RTCB: variants seen among roughly 807,000 people sequenced by gnomAD.
RTCB encodes RNA 2',3'-cyclic phosphate and 5'-OH ligase, also known as RNA-splicing ligase RTCB.
Under a neutral mutation model 58.2 loss-of-function variants are expected in RTCB, and 32 were observed. The ratio of observed to expected loss-of-function variants is 0.55; its 90% CI spans 0.41 to 0.74. RTCB has a LOEUF of 0.74. RTCB is among the 30% of genes least tolerant of loss of function. RTCB has a pLI of 0.00. For missense variants in RTCB, 523 were observed against 639.0 expected, an observed-to-expected ratio of 0.82 and a Z score of 1.96; for synonymous variants, 247 against 218.6, an observed-to-expected ratio of 1.13 and a Z score of -1.15.
At chr22:32,396,034 T>A in intron 8 of RTCB, 40 bp downstream of exon 8, 1 of 1,601,992 alleles carries the variant, frequency 6.2e-7, no homozygotes, top group Non-Finnish European at 8.5e-7. Flanking sequence ...CTTAACATCA[T>A]CATGAATGAC....
intron 9 of RTCB, 74 bp from the exon 10 acceptor site, chr22:32,394,076 T>TATG: frequency 9.6e-7 from 1 of 1,037,748 alleles, no homozygotes; most frequent in Non-Finnish European, 1.5e-6. Flanking sequence ...ATTTAAATTT[T>TATG]CTCTTGCACT....
chr22:32,409,478 A>G (rs1933483272), intron 1 of RTCB, among the ~76,000 whole-genome samples: 1 of 152,250 alleles, frequency 6.6e-6, no homozygotes, highest in Non-Finnish European at 1.5e-5. Flanking sequence ...GCAATGGACG[A>G]CATACTTATG....
intron 1 of RTCB, among the ~76,000 whole-genome samples, chr22:32,410,492 T>C (rs1933501677): frequency 6.6e-6 from 1 of 152,142 alleles, no homozygotes; most frequent in South Asian, 2.1e-4. Context: ...TCAATAGCGT[T>C]TTAAGAGCAA....
chr22:32,396,009 CTA>C (rs1933239760), intron 8 of RTCB, 63 bp downstream of exon 8: 4 of 1,543,858 alleles, frequency 2.6e-6, no homozygotes, highest in South Asian at 1.2e-5. Context: ...CTGGACTGCA[CTA>C]TGTTTTAAAG....
At chr22:32,398,790 C>T (rs567105640) in intron 6 of RTCB, among the ~76,000 whole-genome samples, 1 of 152,216 alleles carries the variant, frequency 6.6e-6, no homozygotes, top group South Asian at 2.1e-4. Context: ...TGGACATCCA[C>T]CATTATTTAT....
chr22:32,404,197 T>C (rs147965480), intron 4 of RTCB, among the ~76,000 whole-genome samples: 5 of 152,346 alleles, frequency 3.3e-5, no homozygotes, highest in Admixed American at 6.5e-5. Flanking sequence ...TGCTGGATCA[T>C]ATGGTAGTTC....
intron 11 of RTCB, among the ~76,000 whole-genome samples, chr22:32,390,507 A>G (rs142987839): frequency 0.035 from 5,224 of 150,296 alleles, 284 homozygotes; most frequent in African/African-American, 0.12. Flanking sequence ...GGAGTGCAGT[A>G]GCGCGATCTC....
chr22:32,411,178 G>C (rs868511492), intron 1 of RTCB, among the ~76,000 whole-genome samples: 1 of 152,192 alleles, frequency 6.6e-6, no homozygotes, highest in Admixed American at 6.5e-5. Flanking sequence ...TAAAAGAATG[G>C]AGTGACTATT....
rs1933299941 is a variant in RTCB at position 32,399,510 on chromosome 22, A to G, written c.654+93T>C. On this transcript the variant is annotated intron_variant, in intron 6 of 11. Coordinates refer to ENST00000216038, the MANE Select transcript of RTCB (RefSeq NM_014306.5). ...ATATACCATAAAAAAACCTGGGAAT[A>G]TGTTTGCTAAATGTAAGATATAGAT... The G allele has an allele frequency of 2.5e-6, 3 of 1,183,272 alleles. No individual in the cohort carries two copies. The South Asian group carries it at 5.0e-5, about 20-fold the overall frequency. The allele number at this position is 1,183,272 out of a possible 1,614,324, so 73.3% of individuals were successfully genotyped here. A position where few individuals can be genotyped will look rare whatever the true frequency, so the allele number is the denominator to read the frequency against.
At position 32,392,557 on chromosome 22, in the gene RTCB, G is replaced by A. The variant is rs1358764497; in HGVS notation, c.1291-198C>T. On this transcript the variant is annotated intron_variant, in intron 10 of 11. Coordinates refer to ENST00000216038, the MANE Select transcript of RTCB (RefSeq NM_014306.5). ...TTTGTTGGGAGGCTGTCCTATGCAG[G>A]GTATTCAGCAGCGCAGCGCAGTGTA... 3 of 743,984 alleles carry A rather than the reference G, an allele frequency of 4.0e-6. No homozygotes were observed. The African/African-American group carries it at 5.2e-5, about 13-fold the overall frequency. The allele number at this position is 743,984 out of a possible 1,614,324, so 46.1% of individuals were successfully genotyped here. A position where few individuals can be genotyped will look rare whatever the true frequency, so the allele number is the denominator to read the frequency against.
intron 11 of RTCB, among the ~76,000 whole-genome samples, chr22:32,390,510 G>A (rs993985547): frequency 2.6e-5 from 4 of 151,280 alleles, no homozygotes; most frequent in South Asian, 4.2e-4. Flanking sequence ...GTGCAGTAGC[G>A]CGATCTCGGC....
intron 5 of RTCB, chr22:32,401,511 T>G: frequency 2.4e-6 from 1 of 421,530 alleles, no homozygotes. Flanking sequence ...TCAATAAACG[T>G]TGGTGGATAT....
intron 3 of RTCB, among the ~76,000 whole-genome samples, chr22:32,407,069 A>G (rs1344486860): frequency 6.6e-6 from 1 of 152,242 alleles, no homozygotes; most frequent in Non-Finnish European, 1.5e-5. Flanking sequence ...TACATTTTAA[A>G]AATAATCTTA....
intron 5 of RTCB, among the ~76,000 whole-genome samples, chr22:32,401,173 C>T (rs1046533642): frequency 2.0e-5 from 3 of 151,478 alleles, no homozygotes; most frequent in East Asian, 1.9e-4. Context: ...AGCACACTGC[C>T]GCCTTGAACT....
At chr22:32,400,016 GTTAA>G in intron 5 of RTCB, 1 of 300,418 alleles carries the variant, frequency 3.3e-6, no homozygotes, top group Non-Finnish European at 6.0e-6. Context: ...ACTGCTCCTT[GTTAA>G]TTTTCAAATC....
chr22:32,392,143 T>A lies in RTCB; in HGVS notation c.1410+97A>T, dbSNP rs117607774. ...ATAAAAAAAAATAACCCAAACAATT[T>A]CTGTTAGTAACACCCTAAATTGCTG... On this transcript the variant is annotated intron_variant, in intron 11 of 11. Coordinates refer to ENST00000216038, the MANE Select transcript of RTCB (RefSeq NM_014306.5). The A allele has an allele frequency of 0.021, 27,227 of 1,307,768 alleles. 362 individuals are homozygous for A. Among genetic ancestry groups the A allele is most frequent in the Middle Eastern group, 0.038 (138 of 3,614 alleles). The allele number at this position is 1,307,768 out of a possible 1,614,324, so 81.0% of individuals were successfully genotyped here.
chr22:32,390,837 C>T (rs376809221), intron 11 of RTCB, among the ~76,000 whole-genome samples: 5 of 152,180 alleles, frequency 3.3e-5, no homozygotes, highest in Non-Finnish European at 7.4e-5. Flanking sequence ...CTTTGTCATA[C>T]TCTGACTCAG....
At chr22:32,402,930 G>A (rs1189463711) in intron 4 of RTCB, among the ~76,000 whole-genome samples, 1 of 151,838 alleles carries the variant, frequency 6.6e-6, no homozygotes, top group Non-Finnish European at 1.5e-5. Flanking sequence ...TTATGCGTAG[G>A]GATGGGGTTT....
intron 5 of RTCB, among the ~76,000 whole-genome samples, chr22:32,401,377 C>T (rs1933333515): frequency 6.6e-6 from 1 of 152,060 alleles, no homozygotes; most frequent in Non-Finnish European, 1.5e-5. Flanking sequence ...AACCCAACCA[C>T]ACCTGGCACT....
Sources: allele counts gnomAD v4.1 joint callset (sites outside exome capture counted in the v4.1 genomes callset), GRCh38; gene constraint gnomAD v4.1.1; transcripts MANE v1.5; gene names NCBI Gene and HGNC (gene_info 2026-07-23, HGNC 2026-07-21).